Variants in EFCAB7 observed in about 807,000 individuals in gnomAD.
The protein encoded by EFCAB7 is EF-hand calcium binding domain 7.
EFCAB7 carries 66 observed loss-of-function variants against 77.1 expected under a neutral mutation model. The observed-to-expected ratio is 0.86, with a 90% confidence interval of 0.70 to 1.05. EFCAB7 has a LOEUF of 1.05. Among genes scored for constraint, EFCAB7 ranks in the 50% least tolerant of loss-of-function variants. The pLI, the probability that EFCAB7 is intolerant of heterozygous loss-of-function variation, is 0.00. For synonymous variants in EFCAB7, 225 were observed against 243.3 expected (o/e 0.92, Z 0.70); for missense variants, 638 against 730.5 (o/e 0.87, Z 1.46).
chr1:63,544,605 G>T (rs1557677824), intron 6 of EFCAB7, among the ~76,000 whole-genome samples: 1 of 151,492 alleles, frequency 6.6e-6, no homozygotes, highest in African/African-American at 2.4e-5. Context: ...TAAAGACGGG[G>T]TTTCACCATG....
chr1:63,577,214 T>C (rs1057103305), downstream of EFCAB7, among the ~76,000 whole-genome samples: 1 of 151,992 alleles, frequency 6.6e-6, no homozygotes, highest in African/African-American at 2.4e-5. Flanking sequence ...CAAAAAAGAC[T>C]TACATATGAT....
chr1:63,543,803 GCTTA>G lies in EFCAB7; in HGVS notation c.805-2107_805-2104del, dbSNP rs1646858945. Among the ~76,000 whole-genome samples, 3 of 152,052 alleles carry G rather than the reference GCTTA, an allele frequency of 2.0e-5. No individual in the cohort carries two copies. The East Asian group carries it at 5.8e-4, about 29-fold the overall frequency. ...AGCCTTGAACTTATTATTTAAATAT[GCTTA>G]CTTACATTTCAGGTAGGCAAGCCTA... On this transcript the variant is annotated intron_variant, in intron 6 of 13. Transcript: ENST00000371088.
chr1:63,582,791 G>A, the EFCAB7 span, among the ~76,000 whole-genome samples: 2 of 152,282 alleles, frequency 1.3e-5, no homozygotes, highest in Non-Finnish European at 2.9e-5. Context: ...TCTTGGTAAA[G>A]ATGGGGTTTC....
intron 10 of EFCAB7, among the ~76,000 whole-genome samples, chr1:63,560,869 T>C (rs1647091275): frequency 6.6e-6 from 1 of 152,214 alleles, no homozygotes; most frequent in Admixed American, 6.5e-5. Flanking sequence ...TACACAGTTA[T>C]GTCTCTGCTG....
chr1:63,533,793 T>C, intron 5 of EFCAB7, 144 bp downstream of exon 5: 1 of 671,576 alleles, frequency 1.5e-6, no homozygotes, highest in Non-Finnish European at 2.3e-6. Context: ...CTCTTTCAGC[T>C]GTAAAAATCT....
chr1:63,534,821 A>C (rs1646744399), intron 6 of EFCAB7, among the ~76,000 whole-genome samples: 1 of 152,140 alleles, frequency 6.6e-6, no homozygotes, highest in Non-Finnish European at 1.5e-5. Context: ...GATTGCTCTC[A>C]AGAGCCACAT....
intron 2 of EFCAB7, among the ~76,000 whole-genome samples, chr1:63,531,485 G>T (rs1480214962): frequency 3.3e-5 from 5 of 151,988 alleles, no homozygotes; most frequent in African/African-American, 9.7e-5. Context: ...TTTTAATCTT[G>T]TATTTCCTTT....
chr1:63,538,429 A>G (rs1001977836), intron 6 of EFCAB7, among the ~76,000 whole-genome samples: 12 of 151,130 alleles, frequency 7.9e-5, no homozygotes, highest in East Asian at 1.9e-4. Flanking sequence ...TTGAAAGTCT[A>G]TTTGTTTGAA....
chr1:63,551,078 T>C (rs886881136), intron 7 of EFCAB7: 4 of 152,264 alleles, frequency 2.6e-5, no homozygotes, highest in Non-Finnish European at 5.9e-5. Context: ...CTTCCTCGTG[T>C]GCTCCACCAC....
rs745993196 is a variant in EFCAB7, at chr1:63,532,765, G to A, written c.486+9G>A. On this transcript the variant is annotated intron_variant, in intron 4 of 13. Transcript: ENST00000371088. ...AATTTGACTACATCAAGGTACATAA[G>A]CTCACATTGATGTAAATTTACATAC... The A allele has an allele frequency of 6.3e-7, 1 of 1,582,990 alleles. No homozygotes were observed. The highest frequency in any genetic ancestry group is 8.6e-7 in the Non-Finnish European group (1 of 1,166,788).
intron 8 of EFCAB7, among the ~76,000 whole-genome samples, chr1:63,552,230 CTA>C: frequency 6.6e-6 from 1 of 152,042 alleles, no homozygotes; most frequent in South Asian, 2.1e-4. Flanking sequence ...GACCCTGTCT[CTA>C]AAAAAAAATT....
chr1:63,547,909 G>A (rs759964185), intron 7 of EFCAB7: 9 of 152,210 alleles, frequency 5.9e-5, no homozygotes, highest in South Asian at 2.1e-4. Context: ...ATGTTACTTC[G>A]TTATATTCTG....
Position 63,531,629 on chromosome 1 carries a change from G to A in EFCAB7, c.188-191G>A, listed in dbSNP as rs141601393. ...ATAATTAAAGAATGTTTAGGTGGTG[G>A]CATAAATATTTTTGTTTTTCAAAGT... On this transcript the variant is annotated intron_variant, in intron 2 of 13. Coordinates refer to ENST00000371088, the MANE Select transcript of EFCAB7 (RefSeq NM_032437.4). Among the ~76,000 whole-genome samples the A allele has an allele frequency of 4.0e-3, 607 of 152,104 alleles. 4 individuals carry two copies. The highest frequency in any genetic ancestry group is 0.013 in the African/African-American group (549 of 41,514).
downstream of EFCAB7, among the ~76,000 whole-genome samples, chr1:63,575,160 C>T (rs1401878471): frequency 1.3e-5 from 2 of 152,036 alleles, no homozygotes; most frequent in African/African-American, 2.4e-5. Flanking sequence ...CTCCTTCCAA[C>T]TTTAAAGTTT....
intron 1 of EFCAB7, among the ~76,000 whole-genome samples, chr1:63,523,984 C>T (rs908580117): frequency 1.3e-5 from 2 of 152,116 alleles, no homozygotes; most frequent in African/African-American, 4.8e-5. Context: ...CTCTAGGCCC[C>T]TGTCTCAGTC....
chr1:63,580,248 C>G, the EFCAB7 span, among the ~76,000 whole-genome samples: 1 of 152,092 alleles, frequency 6.6e-6, no homozygotes, highest in Non-Finnish European at 1.5e-5. Context: ...TGTATGAGTT[C>G]TGAGGTTTAG....
At chr1:63,540,938 T>C (rs1646822157) in intron 6 of EFCAB7, among the ~76,000 whole-genome samples, 1 of 151,290 alleles carries the variant, frequency 6.6e-6, no homozygotes, top group Admixed American at 6.6e-5. Context: ...AAAATGAAAA[T>C]AAAAGGAAAT....
rs1646714297 is a variant in EFCAB7 at position 63,532,747 on chromosome 1, C to T, written c.477C>T (p.Asp159=). 1.2e-6 allele frequency: 2 copies of T among 1,604,130 alleles called. No individual in the cohort carries two copies. Among genetic ancestry groups the T allele is most frequent in the African/African-American group, 2.7e-5 (2 of 74,106 alleles). Residue 159 remains aspartate (D), a synonymous_variant, in exon 4 of 14, where the codon GAC becomes GAT. Coordinates refer to ENST00000371088, the MANE Select transcript of EFCAB7 (RefSeq NM_032437.4). The part of the protein sequence containing the change: ...LADVNADGKF[D]YIKFCKLYMT... ...ATGTAAATGCTGATGGCAAATTTGA[C>T]TACATCAAGGTACATAAGCTCACAT...
chr1:63,557,155 GAAATGGTC>G lies in EFCAB7; in HGVS notation c.1257_1264del (p.Asn420SerfsTer2). 1 of 1,602,118 alleles carries G rather than the reference GAAATGGTC, an allele frequency of 6.2e-7. No homozygotes were observed. The highest frequency in any genetic ancestry group is 8.5e-7 in the Non-Finnish European group (1 of 1,175,782). On this transcript the variant is annotated frameshift_variant, in exon 10 of 14. Coordinates refer to ENST00000371088, the MANE Select transcript of EFCAB7 (RefSeq NM_032437.4). LOFTEE classifies it high-confidence loss of function. The stretch of plus-strand genomic sequence containing the variant: ...ATATTTGAAGTAATTGATTTAGATG[GAAATGGTC>G]TTCTTAGCCTTGAAGAATATAATTT...
Sources: gnomAD v4.1 joint callset for allele counts (sites outside exome capture counted in the v4.1 genomes callset) on GRCh38, gnomAD v4.1.1 for gene constraint, MANE v1.5 for transcripts, NCBI Gene and HGNC (gene_info 2026-07-23, HGNC 2026-07-21) for gene names.